GLB1: variants seen among roughly 807,000 people sequenced by gnomAD.
GLB1 encodes beta-galactosidase.
GLB1 carries 56 observed loss-of-function variants against 74.0 expected under a neutral mutation model. The observed-to-expected ratio is 0.76, with a 90% CI of 0.61 to 0.94. The LOEUF is 0.94. Ranked by LOEUF, GLB1 falls within the 40% of genes least tolerant of loss-of-function variation. The pLI, the probability that GLB1 is intolerant of heterozygous loss-of-function variation, is 0.00. For missense variants in GLB1, 787 were observed against 845.5 expected (o/e 0.93, Z 0.86); for synonymous variants, 323 against 323.6 (o/e 1.00, Z 0.02).
At chr3:33,092,640 A>T (rs1700812986) in intron 1 of GLB1, 2 of 1,366,984 alleles carry the variant, frequency 1.5e-6, no homozygotes, top group Non-Finnish European at 9.4e-7. Flanking sequence ...CAACTGGCCA[A>T]GGAAATAGTT....
chr3:33,069,029 G>A lies in GLB1; in HGVS notation c.246-59C>T, dbSNP rs370395926. 5.7e-3 allele frequency: 9,201 copies of A among 1,613,664 alleles called. 67 individuals carry two copies. Among genetic ancestry groups the A allele is most frequent in the Non-Finnish European group, 5.7e-3 (6,750 of 1,179,760 alleles). On this transcript the variant is annotated intron_variant, in intron 2 of 15. Transcript: ENST00000307363. ...TTGGCAGAGTCAAGAAGAAAGAAGC[G>A]TGGGGAAAGGGCCTCATTAGGACTA...
At chr3:33,096,168 C>T (rs1701017815) in intron 1 of GLB1, among the ~76,000 whole-genome samples, 1 of 152,176 alleles carries the variant, frequency 6.6e-6, no homozygotes, top group Non-Finnish European at 1.5e-5. Context: ...CAAAGTTGGT[C>T]CGCGGAACGT....
chr3:33,083,169 A>C (rs1700382077), intron 1 of GLB1, among the ~76,000 whole-genome samples: 1 of 152,130 alleles, frequency 6.6e-6, no homozygotes, highest in Non-Finnish European at 1.5e-5. Context: ...AGGCCGAGGC[A>C]GGTGGATCAC....
At chr3:32,967,434 G>C in the GLB1 span, among the ~76,000 whole-genome samples, 2 of 152,198 alleles carry the variant, frequency 1.3e-5, no homozygotes, top group East Asian at 3.8e-4. Flanking sequence ...AGGCATGGTG[G>C]TGTGTGCCTA....
chr3:33,002,885 C>T (rs1696636293), intron 15 of GLB1, among the ~76,000 whole-genome samples: 1 of 152,068 alleles, frequency 6.6e-6, no homozygotes. Flanking sequence ...GTTAAAGGCT[C>T]TCACACACCG....
intron 6 of GLB1, among the ~76,000 whole-genome samples, chr3:33,056,264 C>G (rs1477224470): frequency 2.8e-5 from 4 of 143,718 alleles, no homozygotes; most frequent in South Asian, 2.3e-4. Flanking sequence ...AAAGCAACAC[C>G]AGGCTAATTT....
At chr3:32,999,556 C>A (rs1321746551) in intron 15 of GLB1, among the ~76,000 whole-genome samples, 1 of 152,148 alleles carries the variant, frequency 6.6e-6, no homozygotes, top group African/African-American at 2.4e-5. Context: ...GTGGACTGTG[C>A]ACCTGGTAGG....
intron 1 of GLB1, among the ~76,000 whole-genome samples, chr3:33,074,346 AAG>A (rs1559412745): frequency 8.0e-5 from 6 of 74,580 alleles, no homozygotes; most frequent in Non-Finnish European, 1.1e-4. Context: ...GGAAGGAAGG[AAG>A]GAAGGAAGGA....
rs752371562 is a variant in GLB1 at position 33,021,676 on chromosome 3, C to T, written c.1144-21G>A. 4 of 1,609,732 alleles carry T rather than the reference C, an allele frequency of 2.5e-6. No homozygotes were observed. The South Asian group carries it at 4.4e-5, about 18-fold the overall frequency. ...TTTAACTGAAAAGAAACAAAAGCAGCATTCACACACTGCACCCCTCACTGG... is the reference window on the plus strand; with the variant it reads ...TTTAACTGAAAAGAAACAAAAGCAGTATTCACACACTGCACCCCTCACTGG... On this transcript the variant is annotated intron_variant, in intron 11 of 15. Coordinates refer to ENST00000307363, the MANE Select transcript of GLB1 (RefSeq NM_000404.4).
At chr3:33,066,573 TGTTACAAGCAACA>T (rs1208084012) in intron 4 of GLB1, among the ~76,000 whole-genome samples, 2 of 152,202 alleles carry the variant, frequency 1.3e-5, no homozygotes, top group Non-Finnish European at 2.9e-5. Context: ...TCAGGTATTC[TGTTACAAGCAACA>T]GAAAACAGAC....
At position 33,068,211 on chromosome 3, in the gene GLB1, G is replaced by A; in HGVS notation, c.457+19C>T. Reference sequence around the variant, plus strand: ...CTGAAGCTTTTATAAATCTTCTCAAGACATCTGTAACAACCTACCTGGGTC... The same window carrying A: ...CTGAAGCTTTTATAAATCTTCTCAAAACATCTGTAACAACCTACCTGGGTC... On this transcript the variant is annotated intron_variant, in intron 4 of 15. Coordinates refer to ENST00000307363, the MANE Select transcript of GLB1 (RefSeq NM_000404.4). The A allele has an allele frequency of 1.2e-6, 2 of 1,613,996 alleles. No individual in the cohort carries two copies. Among genetic ancestry groups the A allele is most frequent in the South Asian group, 2.2e-5 (2 of 91,076 alleles).
At chr3:32,974,876 T>C in the GLB1 span, among the ~76,000 whole-genome samples, 1 of 152,152 alleles carries the variant, frequency 6.6e-6, no homozygotes, top group Non-Finnish European at 1.5e-5. Flanking sequence ...ATTCAAATGT[T>C]AGTGCCATCC....
chr3:33,091,678 G>C, intron 1 of GLB1: 1 of 985,150 alleles, frequency 1.0e-6, no homozygotes, highest in African/African-American at 1.7e-5. Flanking sequence ...GGAAACCAAG[G>C]CTGAGTGAGG....
Position 33,091,313 on chromosome 3 carries a change from C to T in GLB1, c.75+5698G>A, listed in dbSNP as rs962568258. The T allele has an allele frequency of 2.2e-5, 22 of 985,482 alleles. No individual in the cohort carries two copies. In the African/African-American group the frequency reaches 3.8e-4, roughly 17 times the overall value. The allele number at this position is 985,482 out of a possible 1,614,324, so 61.0% of individuals were successfully genotyped here. A position where few individuals can be genotyped will look rare whatever the true frequency, so the allele number is the denominator to read the frequency against. On this transcript the variant is annotated intron_variant, in intron 1 of 15. Coordinates refer to ENST00000307363, the MANE Select transcript of GLB1 (RefSeq NM_000404.4). ...GTGGTCTCCAGATCCCCCAGAACCC[C>T]ACTATACACCAGGAGGACAAGGAGG...
the GLB1 span, among the ~76,000 whole-genome samples, chr3:32,968,278 G>A: frequency 1.3e-5 from 2 of 152,132 alleles, no homozygotes; most frequent in African/African-American, 4.8e-5. Flanking sequence ...ACAGATTAAT[G>A]TGCATGGTGC....
intron 15 of GLB1, among the ~76,000 whole-genome samples, chr3:33,009,418 A>G (rs1696928072): frequency 6.6e-6 from 1 of 151,962 alleles, no homozygotes; most frequent in Non-Finnish European, 1.5e-5. Context: ...GCTACTCGAG[A>G]GGCTGAGACA....
rs57833238 is a variant in GLB1, at chr3:33,018,285, C to CAAAAAAAAAAA, written c.1347+152_1347+162dup. On this transcript the variant is annotated intron_variant, in intron 13 of 15. Coordinates refer to ENST00000307363, the MANE Select transcript of GLB1 (RefSeq NM_000404.4). ...TGGGCAACAGAGCAAAACCCTGTCT[C>CAAAAAAAAAAA]AAAAAAAAAAAAAAAAAAAAAAAAA... is the stretch of plus-strand genomic sequence containing the variant. Among the ~76,000 whole-genome samples, 31 of 41,992 alleles carry CAAAAAAAAAAA rather than the reference C, an allele frequency of 7.4e-4. 1 individual carries two copies. Among genetic ancestry groups the CAAAAAAAAAAA allele is most frequent in the Non-Finnish European group, 9.4e-4 (25 of 26,608 alleles). 27.5% of individuals were successfully genotyped at this position (41,992 alleles called of 152,430 possible).
chr3:32,966,311 G>A, the GLB1 span, among the ~76,000 whole-genome samples: 1 of 152,222 alleles, frequency 6.6e-6, no homozygotes, highest in Middle Eastern at 3.2e-3. Flanking sequence ...ACCTGGATGT[G>A]AGACATGGAG....
intron 2 of GLB1, among the ~76,000 whole-genome samples, chr3:33,069,986 GTCTGTTGTTCCCT>G (rs1361044857): frequency 7.6e-6 from 1 of 131,310 alleles, no homozygotes; most frequent in African/African-American, 2.8e-5. Context: ...AGGCCCCATT[GTCTGTTGTTCCCT>G]TCTTTGTGTC....
Sources: allele counts gnomAD v4.1 joint callset (sites outside exome capture counted in the v4.1 genomes callset), GRCh38; gene constraint gnomAD v4.1.1; transcripts MANE v1.5; gene names NCBI Gene and HGNC (gene_info 2026-07-23, HGNC 2026-07-21).